CCDC66: variants seen among roughly 807,000 people sequenced by gnomAD.
CCDC66 encodes the protein coiled-coil domain-containing protein 66.
CCDC66 carries 133 observed loss-of-function variants against 128.3 expected under a neutral mutation model. That is an observed-to-expected ratio of 1.04 (90% CI 0.90 to 1.20). CCDC66 has a LOEUF of 1.20. Among genes scored for constraint, CCDC66 ranks in the 50% most tolerant of loss-of-function variants. The probability of loss-of-function intolerance (pLI) is 0.00; values close to 1 mark genes in which losing one functional copy is unlikely to be tolerated. For missense variants in CCDC66, 1,126 were observed against 1,075.5 expected (o/e 1.05, Z -0.66); for synonymous variants, 387 against 357.0 (o/e 1.08, Z -0.95).
chr3:56,565,726 G>A (rs2065745521), intron 4 of CCDC66, among the ~76,000 whole-genome samples: 1 of 151,632 alleles, frequency 6.6e-6, no homozygotes, highest in Non-Finnish European at 1.5e-5. Context: ...GAGTGCAGTG[G>A]TGCGATCTCG....
intron 13 of CCDC66, 153 bp downstream of exon 13, chr3:56,616,206 ACATGT>A (rs1426107712): frequency 1.6e-5 from 10 of 616,906 alleles, no homozygotes; most frequent in Admixed American, 1.3e-4. Context: ...CTTTGTTGAA[ACATGT>A]CATGTACCAC....
chr3:56,569,616 A>G (rs999925569), intron 6 of CCDC66: 1 of 152,698 alleles, frequency 6.5e-6, no homozygotes, highest in Admixed American at 6.5e-5. Context: ...AAGGGGACAA[A>G]TATCCAAACT....
At chr3:56,613,144 T>G (rs1040459215) in intron 10 of CCDC66, among the ~76,000 whole-genome samples, 1 of 152,148 alleles carries the variant, frequency 6.6e-6, no homozygotes. Context: ...TACAGTTCCT[T>G]AGGTCTTGGG....
At chr3:56,608,759 C>T (rs775344756) in intron 10 of CCDC66, among the ~76,000 whole-genome samples, 3 of 152,176 alleles carry the variant, frequency 2.0e-5, no homozygotes, top group Non-Finnish European at 4.4e-5. Context: ...GAACTTTCCT[C>T]TTAGCACTGT....
chr3:56,567,090 G>A (rs772459259), intron 6 of CCDC66, 37 bp downstream of exon 6: 1 of 1,500,694 alleles, frequency 6.7e-7, no homozygotes, highest in South Asian at 1.1e-5. Flanking sequence ...AGTTTTATTG[G>A]CTTAAAGAAT....
intron 1 of CCDC66, 176 bp from the exon 2 acceptor site, chr3:56,558,670 G>A (rs2064696942): frequency 1.6e-6 from 1 of 628,464 alleles, no homozygotes; most frequent in Admixed American, 2.6e-5. Flanking sequence ...CCCTGTAGTT[G>A]TGGGTTTTAT....
chr3:56,621,458 A>G (rs2076614577), intron 17 of CCDC66, 74 bp from the exon 18 acceptor site: 1 of 1,012,146 alleles, frequency 9.9e-7, no homozygotes, highest in Non-Finnish European at 1.4e-6. Context: ...AAGTGAATAT[A>G]ATTCTAGTTT....
chr3:56,588,879 G>A (rs953004239), intron 7 of CCDC66, among the ~76,000 whole-genome samples: 2 of 152,046 alleles, frequency 1.3e-5, no homozygotes, highest in African/African-American at 4.8e-5. Flanking sequence ...GTGCTGAGAG[G>A]GAAATTTTTC....
chr3:56,596,070 A>G (rs954490102), intron 10 of CCDC66, among the ~76,000 whole-genome samples: 3 of 152,114 alleles, frequency 2.0e-5, no homozygotes, highest in African/African-American at 7.2e-5. Context: ...ATGCGCCACC[A>G]TGTCAGGCTA....
At position 56,572,471 on chromosome 3, in the gene CCDC66, G is replaced by A. The variant is rs370785946; in HGVS notation, c.936+1169G>A. 1.8e-4 allele frequency: 167 copies of A among 929,600 alleles called. 1 individual carries two copies. In the East Asian group the frequency reaches 8.1e-3, roughly 45 times the overall value. The allele number at this position is 929,600 out of a possible 1,614,324, so 57.6% of individuals were successfully genotyped here. A position where few individuals can be genotyped will look rare whatever the true frequency, so the allele number is the denominator to read the frequency against. On this transcript the variant is annotated intron_variant, in intron 7 of 17. Coordinates refer to ENST00000394672, the MANE Select transcript of CCDC66 (RefSeq NM_001141947.3). ...GTACTTTGGATATTTAAACCTTTTAGTATTTGACCTCTAACCTATTTTCCT... is the reference window on the plus strand; with the variant it reads ...GTACTTTGGATATTTAAACCTTTTAATATTTGACCTCTAACCTATTTTCCT...
intron 10 of CCDC66, among the ~76,000 whole-genome samples, chr3:56,608,723 T>C (rs1289772904): frequency 1.3e-5 from 2 of 152,220 alleles, no homozygotes; most frequent in Non-Finnish European, 2.9e-5. Context: ...TTTCAGACTT[T>C]TTTGATGTAG....
chr3:56,565,296 T>C (rs1292673813), intron 4 of CCDC66: 6 of 188,648 alleles, frequency 3.2e-5, no homozygotes, highest in Non-Finnish European at 5.5e-5. Flanking sequence ...TTTTTTGAGA[T>C]GGGGTCTCGC....
rs751719077 is a variant in CCDC66, at chr3:56,593,774, C to A, written c.1319+33C>A. On this transcript the variant is annotated intron_variant, in intron 9 of 17. Transcript: ENST00000394672. Reference sequence around the variant, plus strand: ...CATGCTTATGTATTTATTGACTTTTCAGAAAGTCTGTGTGCTTTAGTAAGA... The same window carrying A: ...CATGCTTATGTATTTATTGACTTTTAAGAAAGTCTGTGTGCTTTAGTAAGA... 2.5e-6 allele frequency: 4 copies of A among 1,601,050 alleles called. No homozygotes were observed. The Admixed American group carries it at 6.7e-5, about 27-fold the overall frequency.
intron 7 of CCDC66, among the ~76,000 whole-genome samples, chr3:56,582,709 G>C (rs956931297): frequency 2.0e-5 from 3 of 151,522 alleles, no homozygotes; most frequent in Non-Finnish European, 4.4e-5. Flanking sequence ...AGAGTTTGAT[G>C]TGGATCCTTC....
intron 1 of CCDC66, among the ~76,000 whole-genome samples, chr3:56,558,232 A>T (rs1559582964): frequency 1.3e-5 from 2 of 152,014 alleles, no homozygotes; most frequent in Non-Finnish European, 2.9e-5. Flanking sequence ...ATGGGCTGCC[A>T]TTTTTGTTCT....
intron 10 of CCDC66, among the ~76,000 whole-genome samples, chr3:56,596,321 T>C (rs890179418): frequency 2.0e-5 from 3 of 152,228 alleles, no homozygotes; most frequent in Non-Finnish European, 2.9e-5. Flanking sequence ...CATTTTTTCA[T>C]GTACCTGTTT....
At chr3:56,577,720 G>A (rs2067624708) in intron 7 of CCDC66, among the ~76,000 whole-genome samples, 1 of 151,854 alleles carries the variant, frequency 6.6e-6, no homozygotes, top group African/African-American at 2.4e-5. Flanking sequence ...TCAAAGATCA[G>A]ATGGTTGTAG....
chr3:56,565,091 C>T, intron 4 of CCDC66: 1 of 349,706 alleles, frequency 2.9e-6, no homozygotes, highest in Admixed American at 3.5e-5. Flanking sequence ...ATTTTTTGAG[C>T]CATCCTGTGA....
intron 7 of CCDC66, among the ~76,000 whole-genome samples, chr3:56,580,532 T>C (rs1486592765): frequency 2.0e-5 from 3 of 151,858 alleles, no homozygotes; most frequent in Non-Finnish European, 1.5e-5. Context: ...TGGCATGTTT[T>C]TGCAGTGGCT....
Sources: gnomAD v4.1 joint callset for allele counts (sites outside exome capture counted in the v4.1 genomes callset) on GRCh38, gnomAD v4.1.1 for gene constraint, MANE v1.5 for transcripts, NCBI Gene and HGNC (gene_info 2026-07-23, HGNC 2026-07-21) for gene names.